COL24A1: variants seen among roughly 807,000 people sequenced by gnomAD.
COL24A1 encodes collagen alpha-1(XXIV) chain.
COL24A1 carries 224 observed loss-of-function variants against 253.9 expected under a neutral mutation model. The observed-to-expected ratio is 0.88, with a 90% CI of 0.79 to 0.99. The LOEUF (loss-of-function observed/expected upper bound fraction) is 0.99. Ranked by LOEUF, COL24A1 falls within the 50% of genes least tolerant of loss-of-function variation. The pLI is 0.00. For synonymous variants in COL24A1, 685 were observed against 673.7 expected, an observed-to-expected ratio of 1.02 and a Z score of -0.26; for missense variants, 2,131 against 2,068.5, an observed-to-expected ratio of 1.03 and a Z score of -0.59.
In COL24A1 at chr1:85,775,724, A is replaced by G. The variant is rs1668474873; in HGVS notation, c.4339-15T>C. The G allele has an allele frequency of 4.4e-6, 7 of 1,600,358 alleles. No individual in the cohort carries two copies. The highest frequency in any genetic ancestry group is 5.1e-6 in the Non-Finnish European group (6 of 1,173,912). On this transcript the variant is annotated splice_polypyrimidine_tract_variant and intron_variant, in intron 52 of 59. Coordinates refer to ENST00000370571, the MANE Select transcript of COL24A1 (RefSeq NM_152890.7). ...CCTCTGGGTCCCTAAAAGAAAAAAA[A>G]AAGATGTTAGTTCATTGTTATTGAT...
intron 53 of COL24A1, among the ~76,000 whole-genome samples, chr1:85,773,012 T>G (rs1171602551): frequency 6.6e-6 from 1 of 152,158 alleles, no homozygotes; most frequent in East Asian, 1.9e-4. Flanking sequence ...GGTCTTACAT[T>G]TAAGTCTTTG....
chr1:86,017,029 A>T, intron 19 of COL24A1, 122 bp downstream of exon 19: 1 of 894,806 alleles, frequency 1.1e-6, no homozygotes, highest in Non-Finnish European at 1.7e-6. Flanking sequence ...CAAACTATTT[A>T]CGGAGATCTA....
At chr1:86,100,306 CTTTA>C (rs1255616632) in intron 5 of COL24A1, among the ~76,000 whole-genome samples, 1 of 152,064 alleles carries the variant, frequency 6.6e-6, no homozygotes, top group African/African-American at 2.4e-5. Context: ...TTCTAGCATT[CTTTA>C]TTTAGTAGCT....
intron 45 of COL24A1, among the ~76,000 whole-genome samples, chr1:85,818,443 G>A (rs1304635892): frequency 6.6e-6 from 1 of 152,146 alleles, no homozygotes; most frequent in Non-Finnish European, 1.5e-5. Context: ...AACATTTATT[G>A]AGTATCATGT....
chr1:85,905,586 TGGG>T (rs1684738845), intron 28 of COL24A1, among the ~76,000 whole-genome samples: 1 of 152,050 alleles, frequency 6.6e-6, no homozygotes, highest in South Asian at 2.1e-4. Context: ...GTCTGGATAC[TGGG>T]TAAAAATTTT....
chr1:85,876,644 A>C (rs1228414596), intron 33 of COL24A1, among the ~76,000 whole-genome samples: 2 of 152,220 alleles, frequency 1.3e-5, no homozygotes, highest in Non-Finnish European at 2.9e-5. Flanking sequence ...GCTAATGAGA[A>C]GGTGAAGTGA....
intron 19 of COL24A1, among the ~76,000 whole-genome samples, chr1:86,010,381 T>C (rs897175480): frequency 1.3e-5 from 2 of 152,012 alleles, no homozygotes; most frequent in South Asian, 2.1e-4. Context: ...AATGACCAAA[T>C]ACCTAGTAGA....
chr1:85,744,779 G>A lies in COL24A1; in HGVS notation c.4559C>T (p.Thr1520Ile), dbSNP rs1250310772. The change falls in exon 57 of 60, where the codon ACC becomes ATC. Residue 1520 changes from threonine to isoleucine, a missense_variant. Transcript: ENST00000370571. ...LIDHSEEIFK[T>I]LNYLSNLLHS... ...CAATAAATTGCTAAGGTAGTTCAGG[G>A]TTTTGAATATCTCTTCACTGTGGTC... 6.2e-7 allele frequency: 1 copy of A among 1,609,888 alleles called. No individual in the cohort carries two copies. Among genetic ancestry groups the A allele is most frequent in the East Asian group, 2.2e-5 (1 of 44,792 alleles).
intron 7 of COL24A1, among the ~76,000 whole-genome samples, chr1:86,081,519 T>C (rs1247186481): frequency 6.6e-6 from 1 of 152,214 alleles, no homozygotes; most frequent in Non-Finnish European, 1.5e-5. Context: ...TGTTCTTTCA[T>C]CTTTGTTAGC....
chr1:86,010,225 A>G (rs2101134693), intron 19 of COL24A1, among the ~76,000 whole-genome samples: 1 of 152,232 alleles, frequency 6.6e-6, no homozygotes, highest in East Asian at 1.9e-4. Context: ...TGGCTATGTA[A>G]AATTGTAAAG....
intron 19 of COL24A1, among the ~76,000 whole-genome samples, chr1:86,010,971 T>C (rs1418162114): frequency 6.6e-6 from 1 of 152,084 alleles, no homozygotes; most frequent in African/African-American, 2.4e-5. Flanking sequence ...CTACTGAGAT[T>C]GGATACCTCA....
chr1:85,857,458 C>CAAAAAA (rs57368737), intron 37 of COL24A1, among the ~76,000 whole-genome samples: 2 of 94,494 alleles, frequency 2.1e-5, no homozygotes, highest in Non-Finnish European at 4.2e-5. Flanking sequence ...CCCTCTTCTC[C>CAAAAAA]AAAAAAAAAA....
At chr1:85,789,996 T>C (rs1167421252) in intron 47 of COL24A1, among the ~76,000 whole-genome samples, 2 of 152,262 alleles carry the variant, frequency 1.3e-5, no homozygotes, top group South Asian at 2.1e-4. Flanking sequence ...AGCAGGAATA[T>C]TGGCCTTAAG....
chr1:86,024,366 G>A (rs1157074349), intron 14 of COL24A1, among the ~76,000 whole-genome samples: 1 of 152,002 alleles, frequency 6.6e-6, no homozygotes. Context: ...ATAATAACTG[G>A]CAGATAATGG....
intron 59 of COL24A1, 109 bp from the exon 60 acceptor site, chr1:85,730,801 G>A (rs1288778364): frequency 1.6e-5 from 18 of 1,139,916 alleles, no homozygotes; most frequent in South Asian, 7.2e-5. Context: ...TAGAGATAAC[G>A]AATAGAAAGT....
intron 5 of COL24A1, among the ~76,000 whole-genome samples, chr1:86,100,401 TAA>T (rs909105402): frequency 6.6e-6 from 1 of 152,182 alleles, no homozygotes; most frequent in Non-Finnish European, 1.5e-5. Flanking sequence ...AGGCAATTTT[TAA>T]AAGTTTGCTT....
chr1:86,093,616 C>CA lies in COL24A1; in HGVS notation c.1600-1297dup, dbSNP rs1703673925. Among the ~76,000 whole-genome samples the CA allele has an allele frequency of 4.6e-5, 7 of 151,598 alleles. No individual in the cohort carries two copies. The South Asian group carries it at 1.3e-3, about 27-fold the overall frequency. ...ATGATGAAGACACCAAAGGCAATCGCAAAAAAACAAAAATTGACAAATGGG... is the reference window on the plus strand; with the variant it reads ...ATGATGAAGACACCAAAGGCAATCGCAAAAAAAACAAAAATTGACAAATGGG... On this transcript the variant is annotated intron_variant, in intron 5 of 59. Coordinates refer to ENST00000370571, the MANE Select transcript of COL24A1 (RefSeq NM_152890.7).
At chr1:86,008,722 T>G (rs1364294940) in intron 19 of COL24A1, among the ~76,000 whole-genome samples, 1 of 152,002 alleles carries the variant, frequency 6.6e-6, no homozygotes, top group South Asian at 2.1e-4. Flanking sequence ...GAAAATTACA[T>G]GATAGCATGT....
chr1:85,848,087 A>T (rs1677340017), intron 38 of COL24A1, among the ~76,000 whole-genome samples: 1 of 152,154 alleles, frequency 6.6e-6, no homozygotes, highest in Admixed American at 6.5e-5. Context: ...TGTTACTATA[A>T]GAAATCATAA....
Sources: allele counts gnomAD v4.1 joint callset (sites outside exome capture counted in the v4.1 genomes callset), GRCh38; gene constraint gnomAD v4.1.1; transcripts MANE v1.5; gene names NCBI Gene and HGNC (gene_info 2026-07-23, HGNC 2026-07-21).